PCDHGB3: variants seen among roughly 807,000 people sequenced by gnomAD.
The protein encoded by PCDHGB3 is protocadherin gamma subfamily B, 3, also known as protocadherin gamma-B3.
A neutral mutation model predicts 59.2 loss-of-function variants in PCDHGB3; 40 were observed. The ratio of observed to expected loss-of-function variants is 0.68; its 90% CI spans 0.52 to 0.88. The LOEUF (loss-of-function observed/expected upper bound fraction) is 0.88, where lower values mean the gene tolerates loss of function less well. Ranked by LOEUF, PCDHGB3 falls within the 40% of genes least tolerant of loss-of-function variation. The probability of loss-of-function intolerance (pLI) is 0.00; values close to 1 mark genes in which losing one functional copy is unlikely to be tolerated. For missense variants in PCDHGB3, 1,309 were observed against 1,187.9 expected (o/e 1.10, Z -1.50); for synonymous variants, 581 against 503.6 (o/e 1.15, Z -2.06).
At position 141,389,227 on chromosome 5, in the gene PCDHGB3, C is replaced by T. The variant is rs1412412051; in HGVS notation, c.2415+16418C>T. On this transcript the variant is annotated intron_variant, in intron 1 of 3. Transcript: ENST00000576222. ...ATTGGTGATGTAAATGACAACGCTC[C>T]GGTTTTCTCACAGTCTTCCTATATA... 35 of 1,614,024 alleles carry T rather than the reference C, an allele frequency of 2.2e-5. No homozygotes were observed. Among genetic ancestry groups the T allele is most frequent in the Non-Finnish European group, 2.8e-5 (33 of 1,179,882 alleles).
At chr5:141,496,759 C>T (rs1287940646) in intron 2 of PCDHGB3, among the ~76,000 whole-genome samples, 2 of 152,038 alleles carry the variant, frequency 1.3e-5, no homozygotes, top group South Asian at 4.2e-4. Context: ...AAATATTTAT[C>T]GAGCATCTAC....
chr5:141,389,191 T>A, intron 1 of PCDHGB3: 1 of 1,614,050 alleles, frequency 6.2e-7, no homozygotes, highest in Non-Finnish European at 8.5e-7. Context: ...AGTTCCAGCA[T>A]CACCCTGCAC....
chr5:141,491,368 A>G lies in PCDHGB3; in HGVS notation c.2416-3439A>G. ...CAGTCTCTTATCCCTAGTCACCTTC[A>G]CCTTTCTGTCAGCGAAGTGCCTTCA... On this transcript the variant is annotated intron_variant, in intron 1 of 3. Transcript: ENST00000576222. This position sits in a 1 kb window ranked among gnomAD's most constrained non-coding sequence, Gnocchi z 6.9. 6.2e-7 allele frequency: 1 copy of G among 1,613,842 alleles called. No homozygotes were observed. The highest frequency in any genetic ancestry group is 8.5e-7 in the Non-Finnish European group (1 of 1,179,940).
intron 1 of PCDHGB3, chr5:141,428,180 C>G (rs780780274): frequency 1.3e-6 from 2 of 1,486,274 alleles, no homozygotes; most frequent in East Asian, 2.3e-5. Flanking sequence ...TGACGGAGGA[C>G]AGCCGCCGCT....
chr5:141,385,111 T>C (rs373196114), intron 1 of PCDHGB3: 1 of 1,614,188 alleles, frequency 6.2e-7, no homozygotes, highest in South Asian at 1.1e-5. Context: ...CGTGCCCACC[T>C]CGCACTTTGT....
intron 1 of PCDHGB3, among the ~76,000 whole-genome samples, chr5:141,492,781 T>A (rs945023154): frequency 6.6e-6 from 1 of 152,194 alleles, no homozygotes; most frequent in African/African-American, 2.4e-5. Context: ...TGAGTGAGCC[T>A]CTATAGGACA....
rs766083208 is a variant in PCDHGB3, at chr5:141,477,506, G to A, written c.2416-17301G>A. 1.9e-6 allele frequency: 3 copies of A among 1,614,028 alleles called. No homozygotes were observed. Among genetic ancestry groups the A allele is most frequent in the South Asian group, 2.2e-5 (2 of 91,076 alleles). ...ACAATCTTCTCAATCTTCCTACGAC[G>A]TTTACATTGAAGAAAACAACCTCCC... On this transcript the variant is annotated intron_variant, in intron 1 of 3. Transcript: ENST00000576222. This position sits in a 1 kb window ranked among gnomAD's most constrained non-coding sequence, Gnocchi z 4.9.
intron 1 of PCDHGB3, chr5:141,390,142 G>A (rs2092062384): frequency 6.2e-6 from 10 of 1,614,022 alleles, no homozygotes; most frequent in Non-Finnish European, 8.5e-6. Flanking sequence ...TACAATCTAT[G>A]TGTTGCACAT....
chr5:141,394,643 G>T, intron 1 of PCDHGB3: 1 of 1,613,492 alleles, frequency 6.2e-7, no homozygotes, highest in Non-Finnish European at 8.5e-7. Flanking sequence ...GCCTGCTCAA[G>T]GCCAGCGAGC....
chr5:141,380,318 T>G (rs751911275), intron 1 of PCDHGB3, among the ~76,000 whole-genome samples: 1 of 151,992 alleles, frequency 6.6e-6, no homozygotes, highest in Non-Finnish European at 1.5e-5. Context: ...AGAATGAAAA[T>G]CTAAATGGAA....
At chr5:141,393,710 G>A (rs143738602) in intron 1 of PCDHGB3, 4 of 1,613,794 alleles carry the variant, frequency 2.5e-6, no homozygotes, top group Non-Finnish European at 3.4e-6. Flanking sequence ...AAAATACTGG[G>A]GAAATATCAA....
Position 141,485,337 on chromosome 5 carries a change from A to G in PCDHGB3, c.2416-9470A>G, listed in dbSNP as rs147409155. On this transcript the variant is annotated intron_variant, in intron 1 of 3. Transcript: ENST00000576222. The surrounding 1 kb of genome is among the most constrained non-coding windows in gnomAD (Gnocchi z 5.7). ...AATGTCGCTCAAGATTTCCTGCTGG[A>G]TACGGACAGTCTGTCAGCTCGCAGG... 4.3e-5 allele frequency: 70 copies of G among 1,614,012 alleles called. No individual in the cohort carries two copies. Among genetic ancestry groups the G allele is most frequent in the Non-Finnish European group, 5.7e-5 (67 of 1,180,016 alleles).
At chr5:141,397,255 T>C (rs1471539186) in intron 1 of PCDHGB3, among the ~76,000 whole-genome samples, 2 of 152,214 alleles carry the variant, frequency 1.3e-5, no homozygotes, top group Admixed American at 6.5e-5. Flanking sequence ...GGGTATATCA[T>C]TTCTTAGCTA....
rs1432960207 is a variant in PCDHGB3, at chr5:141,477,648, C to A, written c.2416-17159C>A. On this transcript the variant is annotated intron_variant, in intron 1 of 3. Coordinates refer to ENST00000576222, the MANE Select transcript of PCDHGB3 (RefSeq NM_018924.5). This position sits in a 1 kb window ranked among gnomAD's most constrained non-coding sequence, Gnocchi z 4.9. ...ACCGGGCTAGTGGGTCGCTATTTCA[C>A]AATAAATCGTGACAATGGCATAGTG... is the stretch of plus-strand genomic sequence containing the variant. 7 of 1,614,046 alleles carry A rather than the reference C, an allele frequency of 4.3e-6. No homozygotes were observed. Among genetic ancestry groups the A allele is most frequent in the Non-Finnish European group, 5.9e-6 (7 of 1,180,044 alleles).
At chr5:141,415,871 G>T (rs2095966585) in intron 1 of PCDHGB3, 2 of 1,074,308 alleles carry the variant, frequency 1.9e-6, no homozygotes, top group South Asian at 2.3e-5. Context: ...TAGTGTTGTT[G>T]AGTACAATAT....
Position 141,490,652 on chromosome 5 carries a change from C to T in PCDHGB3, c.2416-4155C>T, listed in dbSNP as rs1277273880. The T allele has an allele frequency of 1.2e-6, 2 of 1,614,208 alleles. No individual in the cohort carries two copies. The highest frequency in any genetic ancestry group is 1.7e-6 in the Non-Finnish European group (2 of 1,180,026). On this transcript the variant is annotated intron_variant, in intron 1 of 3. Coordinates refer to ENST00000576222, the MANE Select transcript of PCDHGB3 (RefSeq NM_018924.5). The surrounding 1 kb of genome is among the most constrained non-coding windows in gnomAD (Gnocchi z 5.4). ...ATCCTAGAAAACCGGCCTCCGGGCT[C>T]CCTTCTTTGCACTGTGGCTGCCTCA...
At position 141,381,559 on chromosome 5, in the gene PCDHGB3, A is replaced by G. The variant is rs547767768; in HGVS notation, c.2415+8750A>G. 3.2e-4 allele frequency among the ~76,000 whole-genome samples: 48 copies of G among 152,342 alleles called. No individual in the cohort carries two copies. In the Middle Eastern group the frequency reaches 0.01, roughly 32 times the overall value. ...AGGATGAAGACTTGAATTGAATTGC[A>G]TAATGAAAAGAATCAGCCAATCCAT... On this transcript the variant is annotated intron_variant, in intron 1 of 3. Transcript: ENST00000576222.
intron 1 of PCDHGB3, chr5:141,410,860 T>TTTTTTTTTTTTTTTTTTG: frequency 2.3e-6 from 1 of 442,030 alleles, no homozygotes; most frequent in Non-Finnish European, 3.7e-6. Flanking sequence ...TTTTTTTTTT[T>TTTTTTTTTTTTTTTTTTG]TTTTTTTTTT....
chr5:141,408,021 A>C (rs2095027284), intron 1 of PCDHGB3: 1 of 1,036,444 alleles, frequency 9.6e-7, no homozygotes, highest in Non-Finnish European at 1.3e-6. Context: ...AGCCAACAAC[A>C]GAAAGAAGAA....
Sources: allele counts gnomAD v4.1 joint callset (sites outside exome capture counted in the v4.1 genomes callset), GRCh38; gene constraint gnomAD v4.1.1; non-coding constraint Gnocchi (gnomAD v3.1); transcripts MANE v1.5; gene names NCBI Gene and HGNC (gene_info 2026-07-23, HGNC 2026-07-21).